OCLN: variants seen among roughly 807,000 people sequenced by gnomAD.
The protein encoded by OCLN is occludin.
A neutral mutation model predicts 47.9 loss-of-function variants in OCLN; 21 were observed. The observed-to-expected ratio is 0.44, with a 90% CI of 0.31 to 0.63. The LOEUF (loss-of-function observed/expected upper bound fraction) is 0.63. Ranked by LOEUF, OCLN falls within the 30% of genes least tolerant of loss-of-function variation. The probability of loss-of-function intolerance (pLI) is 0.08; values close to 1 mark genes in which losing one functional copy is unlikely to be tolerated. For missense variants in OCLN, 360 were observed against 571.0 expected (o/e 0.63, Z 3.77); for synonymous variants, 117 against 198.4 (o/e 0.59, Z 3.45).
At chr5:69,531,310 G>C in intron 4 of OCLN, among the ~76,000 whole-genome samples, 1 of 152,168 alleles carries the variant, frequency 6.6e-6, no homozygotes, top group South Asian at 2.1e-4. Flanking sequence ...TGAGGAGGAG[G>C]TGGTGGCACA....
chr5:69,515,442 T>C (rs1198315626), intron 4 of OCLN, among the ~76,000 whole-genome samples: 1 of 130,788 alleles, frequency 7.6e-6, no homozygotes, highest in Non-Finnish European at 1.6e-5. Context: ...ACGGGGCGGC[T>C]GGCCGGGCAG....
rs190800304 is a variant in OCLN at position 69,547,143 on chromosome 5, C to T, written c.1254-787C>T. Among the ~76,000 whole-genome samples, 11 of 151,336 alleles carry T rather than the reference C, an allele frequency of 7.3e-5. No individual in the cohort carries two copies. In the East Asian group the frequency reaches 1.4e-3, roughly 19 times the overall value. ...AGAAGTAGATAAGCTATTTCCACTTCGGAAAAACAAGAGCAAAAAAATAAA... is the reference window on the plus strand; with the variant it reads ...AGAAGTAGATAAGCTATTTCCACTTTGGAAAAACAAGAGCAAAAAAATAAA... On this transcript the variant is annotated intron_variant, in intron 6 of 8. Coordinates refer to ENST00000396442, the MANE Select transcript of OCLN (RefSeq NM_001205254.2).
In OCLN at chr5:69,498,131, CA is replaced by C. The variant is rs200853908; in HGVS notation, c.-69+5243del. 3.8e-4 allele frequency among the ~76,000 whole-genome samples: 55 copies of C among 145,714 alleles called. 1 individual carries two copies. The East Asian group carries it at 7.5e-3, about 20-fold the overall frequency. On this transcript the variant is annotated intron_variant, in intron 1 of 8. Coordinates refer to ENST00000396442, the MANE Select transcript of OCLN (RefSeq NM_001205254.2). ...TGGGCGACAGAGCGAGACTCCGTCTCAAAAAAAAAAAAGAACGATTATTAAA... is the reference window on the plus strand; with the variant it reads ...TGGGCGACAGAGCGAGACTCCGTCTCAAAAAAAAAAAGAACGATTATTAAA...
chr5:69,510,615 C>T (rs994406974), intron 3 of OCLN, among the ~76,000 whole-genome samples: 6 of 152,034 alleles, frequency 3.9e-5, no homozygotes, highest in Admixed American at 1.3e-4. Context: ...ACCCGGGAGG[C>T]GGAGCTTGCA....
intron 5 of OCLN, among the ~76,000 whole-genome samples, chr5:69,535,891 G>A (rs1476765754): frequency 2.0e-5 from 3 of 152,028 alleles, no homozygotes; most frequent in African/African-American, 7.3e-5. Flanking sequence ...TTGGGAGGCC[G>A]AGGCAGGTGG....
intron 5 of OCLN, among the ~76,000 whole-genome samples, chr5:69,537,189 C>CTTTTT (rs1157355945): frequency 2.2e-4 from 18 of 80,600 alleles, no homozygotes; most frequent in South Asian, 7.8e-4. Flanking sequence ...ATTCTATAAG[C>CTTTTT]TTTTTTTTTT....
At chr5:69,502,663 G>T (rs1768493707) in intron 1 of OCLN, among the ~76,000 whole-genome samples, 1 of 152,182 alleles carries the variant, frequency 6.6e-6, no homozygotes, top group Admixed American at 6.5e-5. Flanking sequence ...GTGGCATGAA[G>T]TTCTGTAGCT....
intron 3 of OCLN, among the ~76,000 whole-genome samples, chr5:69,513,691 C>G (rs1216375892): frequency 6.6e-6 from 1 of 152,272 alleles, no homozygotes; most frequent in East Asian, 1.9e-4. Context: ...TTGATAGTTC[C>G]TAACATTAGG....
chr5:69,520,019 C>A (rs1423089553), intron 4 of OCLN, among the ~76,000 whole-genome samples: 2 of 152,202 alleles, frequency 1.3e-5, no homozygotes, highest in African/African-American at 4.8e-5. Flanking sequence ...AGTGCGATGG[C>A]ACGATCTCAG....
Position 69,516,494 on chromosome 5 carries a change from AGGGAGAGGGAGACCGTG to A in OCLN, c.891+2398_891+2414del, listed in dbSNP as rs1366928193. On this transcript the variant is annotated intron_variant, in intron 4 of 8. Coordinates refer to ENST00000396442, the MANE Select transcript of OCLN (RefSeq NM_001205254.2). Reference sequence around the variant, plus strand: ...CATCAGTGGGAGACCGTGGAAAGAGAGGGAGAGGGAGACCGTGGGGAGAGGGAGAGGGGGGAGAGGGA... The same window carrying A: ...CATCAGTGGGAGACCGTGGAAAGAGAGGGAGAGGGAGAGGGGGGAGAGGGA... Among the ~76,000 whole-genome samples, 203 of 151,872 alleles carry A rather than the reference AGGGAGAGGGAGACCGTG, an allele frequency of 1.3e-3. 1 individual carries two copies. The highest frequency in any genetic ancestry group is 4.7e-3 in the African/African-American group (196 of 41,452).
At chr5:69,496,561 C>CTTTT (rs77543950) in intron 1 of OCLN, among the ~76,000 whole-genome samples, 3 of 122,748 alleles carry the variant, frequency 2.4e-5, no homozygotes, top group African/African-American at 9.6e-5. Context: ...TTTTTTTATA[C>CTTTT]TTTTTTTTTT....
At chr5:69,501,644 A>T (rs895994215) in intron 1 of OCLN, among the ~76,000 whole-genome samples, 2 of 147,690 alleles carry the variant, frequency 1.4e-5, no homozygotes, top group Middle Eastern at 3.5e-3. Flanking sequence ...AAAAAAAAAA[A>T]GTATAGAGAA....
intron 4 of OCLN, among the ~76,000 whole-genome samples, chr5:69,518,667 C>A (rs1222990748): frequency 6.6e-6 from 1 of 152,188 alleles, no homozygotes; most frequent in African/African-American, 2.4e-5. Context: ...CTAAACTGTT[C>A]ACAGTGGAGT....
intron 4 of OCLN, among the ~76,000 whole-genome samples, chr5:69,515,858 G>C (rs572743153): frequency 2.6e-5 from 4 of 151,682 alleles, no homozygotes; most frequent in South Asian, 2.1e-4. Context: ...CATCCCAGAC[G>C]GGGTGGCGGG....
At chr5:69,520,517 C>T (rs1769106075) in intron 4 of OCLN, among the ~76,000 whole-genome samples, 1 of 149,054 alleles carries the variant, frequency 6.7e-6, no homozygotes, top group Non-Finnish European at 1.5e-5. Context: ...GCCAGGCTGG[C>T]CTCAAACTTC....
chr5:69,503,660 AC>A (rs1282360266), intron 1 of OCLN, among the ~76,000 whole-genome samples: 6 of 152,172 alleles, frequency 3.9e-5, no homozygotes, highest in Admixed American at 2.0e-4. Context: ...ACCAATTAAT[AC>A]CATGCATATT....
intron 4 of OCLN, among the ~76,000 whole-genome samples, chr5:69,531,823 A>G (rs1320415690): frequency 6.6e-6 from 1 of 152,216 alleles, no homozygotes; most frequent in African/African-American, 2.4e-5. Context: ...ACGTCAGGAG[A>G]GTGCATCTCA....
chr5:69,515,466 T>A (rs1768916048), intron 4 of OCLN, among the ~76,000 whole-genome samples: 1 of 106,098 alleles, frequency 9.4e-6, no homozygotes, highest in African/African-American at 3.6e-5. Context: ...GGCTCCTCAC[T>A]TCCCAGTAGG....
chr5:69,513,291 A>G (rs557039542), intron 3 of OCLN, among the ~76,000 whole-genome samples: 1 of 152,326 alleles, frequency 6.6e-6, no homozygotes, highest in African/African-American at 2.4e-5. Context: ...TAAGAGTAGG[A>G]AGTTTCTTTG....
Sources: gnomAD v4.1 joint callset for allele counts (sites outside exome capture counted in the v4.1 genomes callset) on GRCh38, gnomAD v4.1.1 for gene constraint, MANE v1.5 for transcripts, NCBI Gene and HGNC (gene_info 2026-07-23, HGNC 2026-07-21) for gene names.